Variants in MICU2 observed in about 807,000 individuals in gnomAD.
MICU2 encodes the protein calcium uptake protein 2, mitochondrial.
MICU2 carries 64 observed loss-of-function variants against 60.4 expected under a neutral mutation model. The observed-to-expected ratio is 1.06, with a 90% CI of 0.87 to 1.31. The LOEUF is 1.31. Ranked by LOEUF, MICU2 falls within the 50% of genes most tolerant of loss-of-function variation. The pLI, the probability that MICU2 is intolerant of heterozygous loss-of-function variation, is 0.00. For missense variants in MICU2, 569 were observed against 531.0 expected (o/e 1.07, Z -0.70); for synonymous variants, 201 against 175.0 (o/e 1.15, Z -1.17).
intron 6 of MICU2, among the ~76,000 whole-genome samples, chr13:21,515,242 T>A (rs535960690): frequency 7.2e-5 from 11 of 151,954 alleles, no homozygotes; most frequent in African/African-American, 2.7e-4. Flanking sequence ...CCACCATGCC[T>A]GGCTAATTTT....
chr13:21,599,225 A>G (rs1294444093), intron 1 of MICU2, among the ~76,000 whole-genome samples: 3 of 152,210 alleles, frequency 2.0e-5, no homozygotes, highest in Admixed American at 1.3e-4. Flanking sequence ...TCCTGCAGGA[A>G]AGAAGTACAC....
At position 21,493,170 on chromosome 13, in the gene MICU2, G is replaced by A; in HGVS notation, c.*79C>T. 1 of 821,772 alleles carries A rather than the reference G, an allele frequency of 1.2e-6. No homozygotes were observed. The highest frequency in any genetic ancestry group is 2.8e-5 in the East Asian group (1 of 36,136). The allele number at this position is 821,772 out of a possible 1,614,324, so 50.9% of individuals were successfully genotyped here. A position where few individuals can be genotyped will look rare whatever the true frequency, so the allele number is the denominator to read the frequency against. ...CAGAATATCAATGAAGACTTAAGAAGATAAATAGCAAGTACTTCTAAAAAA... is the reference window on the plus strand; with the variant it reads ...CAGAATATCAATGAAGACTTAAGAAAATAAATAGCAAGTACTTCTAAAAAA... On this transcript the variant is annotated 3_prime_UTR_variant, in exon 12 of 12. Coordinates refer to ENST00000382374, the MANE Select transcript of MICU2 (RefSeq NM_152726.3).
At chr13:21,515,325 A>G (rs900711965) in intron 6 of MICU2, among the ~76,000 whole-genome samples, 98 of 152,166 alleles carry the variant, frequency 6.4e-4, no homozygotes, top group Middle Eastern at 6.8e-3. Flanking sequence ...CTTGTGATCC[A>G]CCTGCCTCGG....
intron 6 of MICU2, among the ~76,000 whole-genome samples, chr13:21,515,889 T>C (rs569506269): frequency 1.5e-4 from 23 of 152,312 alleles, no homozygotes; most frequent in East Asian, 5.8e-4. Context: ...ATTTTTAAAG[T>C]TGACAATCAA....
intron 1 of MICU2, among the ~76,000 whole-genome samples, chr13:21,589,966 G>A (rs1257939865): frequency 6.6e-6 from 1 of 152,214 alleles, no homozygotes; most frequent in Non-Finnish European, 1.5e-5. Flanking sequence ...TTCTATAGAA[G>A]TACCTTGCCT....
intron 6 of MICU2, among the ~76,000 whole-genome samples, chr13:21,516,775 T>C (rs1025571020): frequency 2.0e-5 from 3 of 152,232 alleles, no homozygotes; most frequent in East Asian, 1.9e-4. Flanking sequence ...AAGGCACCTA[T>C]ATTTATTTAA....
At chr13:21,499,053 C>A (rs1201372681) in intron 9 of MICU2, among the ~76,000 whole-genome samples, 3 of 152,010 alleles carry the variant, frequency 2.0e-5, no homozygotes, top group Admixed American at 6.6e-5. Context: ...CTCATTCAAG[C>A]GATTCTTCTG....
chr13:21,597,747 C>T (rs371740963), intron 1 of MICU2, among the ~76,000 whole-genome samples: 29 of 151,826 alleles, frequency 1.9e-4, no homozygotes, highest in African/African-American at 6.3e-4. Flanking sequence ...CTGGCTAACA[C>T]GGTGAAACCC....
chr13:21,549,723 A>G (rs1395911853), intron 2 of MICU2, among the ~76,000 whole-genome samples: 1 of 152,212 alleles, frequency 6.6e-6, no homozygotes, highest in Admixed American at 6.5e-5. Flanking sequence ...GTGTCTCTCT[A>G]AACGCCTTAT....
At chr13:21,539,602 G>T in intron 3 of MICU2, 55 bp downstream of exon 3, 2 of 1,611,270 alleles carry the variant, frequency 1.2e-6, no homozygotes, top group Non-Finnish European at 1.7e-6. Context: ...CCGGCCAAAA[G>T]TTCATTTTCT....
intron 8 of MICU2, among the ~76,000 whole-genome samples, chr13:21,505,494 T>G (rs1886271183): frequency 6.6e-6 from 1 of 152,208 alleles, no homozygotes. Context: ...ACCAAAATTC[T>G]GGGAGACAGA....
At chr13:21,523,709 T>C (rs1300100814) in intron 4 of MICU2, among the ~76,000 whole-genome samples, 1 of 152,198 alleles carries the variant, frequency 6.6e-6, no homozygotes, top group Admixed American at 6.5e-5. Context: ...GAGGTTGCAC[T>C]AGTCTGGCTC....
At chr13:21,517,891 G>A (rs1042480584) in intron 6 of MICU2, among the ~76,000 whole-genome samples, 1 of 152,078 alleles carries the variant, frequency 6.6e-6, no homozygotes, top group Admixed American at 6.5e-5. Flanking sequence ...TAATGTAAAT[G>A]TAGTTTTTCC....
chr13:21,603,659 T>G, intron 1 of MICU2: 1 of 516,896 alleles, frequency 1.9e-6, no homozygotes. Context: ...CACCACTAAA[T>G]TAGTGCGGCC....
intron 11 of MICU2, 113 bp downstream of exon 11, chr13:21,495,048 T>A: frequency 1.5e-6 from 1 of 649,492 alleles, no homozygotes; most frequent in Non-Finnish European, 2.4e-6. Flanking sequence ...CAGCTTATAG[T>A]CTTTTTATAA....
At chr13:21,525,508 T>A (rs879643665) in intron 4 of MICU2, among the ~76,000 whole-genome samples, 5 of 151,916 alleles carry the variant, frequency 3.3e-5, no homozygotes, top group Non-Finnish European at 7.4e-5. Context: ...ATTTAATTTT[T>A]GAGGAATCGC....
intron 1 of MICU2, among the ~76,000 whole-genome samples, chr13:21,577,982 T>A (rs916630685): frequency 1.5e-5 from 2 of 132,780 alleles, no homozygotes; most frequent in African/African-American, 2.5e-5. Flanking sequence ...CCAAAAAAAA[T>A]TTAAAATAAT....
chr13:21,516,876 G>A (rs1426703870), intron 6 of MICU2, among the ~76,000 whole-genome samples: 1 of 152,100 alleles, frequency 6.6e-6, no homozygotes, highest in Non-Finnish European at 1.5e-5. Flanking sequence ...AAAGCAATGT[G>A]AAATAAAAGG....
intron 2 of MICU2, among the ~76,000 whole-genome samples, chr13:21,554,017 C>A (rs1466403358): frequency 6.6e-6 from 1 of 152,132 alleles, no homozygotes; most frequent in East Asian, 1.9e-4. Context: ...TACAGGAGCA[C>A]CCAGATTCAT....
Sources: allele counts gnomAD v4.1 joint callset (sites outside exome capture counted in the v4.1 genomes callset), GRCh38; gene constraint gnomAD v4.1.1; transcripts MANE v1.5; gene names NCBI Gene and HGNC (gene_info 2026-07-23, HGNC 2026-07-21).